The following HS6ST3 variants were observed in gnomAD, a reference collection of about 807,000 sequenced individuals.
The protein encoded by HS6ST3 is heparan-sulfate 6-O-sulfotransferase 3.
In HS6ST3, 12 loss-of-function variants were observed where a neutral mutation model predicts 36.7. That is an observed-to-expected ratio of 0.33 (90% CI 0.21 to 0.53). HS6ST3 has a LOEUF of 0.53. Ranked by LOEUF, HS6ST3 falls within the 20% of genes least tolerant of loss-of-function variation. HS6ST3 has a pLI of 0.95. For missense variants in HS6ST3, 584 were observed against 640.9 expected, an observed-to-expected ratio of 0.91 and a Z score of 0.96; for synonymous variants, 240 against 257.5, an observed-to-expected ratio of 0.93 and a Z score of 0.65.
rs35266831 is a variant in HS6ST3 at position 96,831,954 on chromosome 13, C to CAAAAAAAAAAAAAAAAAAA, written c.708-528_708-510dup. On this transcript the variant is annotated intron_variant, in intron 1 of 1. Coordinates refer to ENST00000376705, the MANE Select transcript of HS6ST3 (RefSeq NM_153456.4). ...TGGGTGACAGAGCAAGACTCCCTCT[C>CAAAAAAAAAAAAAAAAAAA]AAAAAAAAAAAAAAAAAAAAAAAAA... Among the ~76,000 whole-genome samples the CAAAAAAAAAAAAAAAAAAA allele has an allele frequency of 1.3e-3, 29 of 21,854 alleles. 4 individuals are homozygous for CAAAAAAAAAAAAAAAAAAA. The highest frequency in any genetic ancestry group is 2.8e-3 in the African/African-American group (15 of 5,428). The allele number at this position is 21,854 out of a possible 152,430, so 14.3% of individuals were successfully genotyped here.
chr13:96,196,626 C>T (rs1298611687), intron 1 of HS6ST3, among the ~76,000 whole-genome samples: 1 of 152,198 alleles, frequency 6.6e-6, no homozygotes, highest in Non-Finnish European at 1.5e-5. Flanking sequence ...GTAACTGTTT[C>T]TGTAGCTCAG....
intron 1 of HS6ST3, among the ~76,000 whole-genome samples, chr13:96,388,321 A>T (rs1487746705): frequency 6.6e-6 from 1 of 152,200 alleles, no homozygotes; most frequent in African/African-American, 2.4e-5. Context: ...GTTCACAAGG[A>T]TGGTGTGTTG....
At chr13:96,566,052 TAAAA>T (rs1237059004) in intron 1 of HS6ST3, among the ~76,000 whole-genome samples, 2 of 150,816 alleles carry the variant, frequency 1.3e-5, no homozygotes, top group Non-Finnish European at 3.0e-5. Context: ...CTGGATGCTG[TAAAA>T]AAGAACAGTC....
intron 1 of HS6ST3, among the ~76,000 whole-genome samples, chr13:96,111,128 T>A (rs940606646): frequency 2.0e-5 from 3 of 152,214 alleles, no homozygotes; most frequent in African/African-American, 7.2e-5. Context: ...ATCACTCCCA[T>A]GTTCTGTAAT....
At chr13:96,267,531 A>T (rs7317783) in intron 1 of HS6ST3, among the ~76,000 whole-genome samples, 1,702 of 152,188 alleles carry the variant, frequency 0.011, 41 homozygotes, top group African/African-American at 0.039. Context: ...TGATTATTTG[A>T]ATGTCCTTTG....
intron 1 of HS6ST3, among the ~76,000 whole-genome samples, chr13:96,528,850 T>C (rs1594800510): frequency 6.6e-6 from 1 of 152,264 alleles, no homozygotes; most frequent in Non-Finnish European, 1.5e-5. Context: ...ATGGATTAAA[T>C]GCAGAAGCAG....
intron 1 of HS6ST3, among the ~76,000 whole-genome samples, chr13:96,729,532 C>T (rs985373434): frequency 5.9e-5 from 9 of 152,174 alleles, no homozygotes; most frequent in African/African-American, 1.9e-4. Context: ...TCGTGGCTCA[C>T]TGCAGCCTCT....
intron 1 of HS6ST3, among the ~76,000 whole-genome samples, chr13:96,818,033 A>T (rs1251151476): frequency 6.6e-6 from 1 of 152,198 alleles, no homozygotes; most frequent in Non-Finnish European, 1.5e-5. Flanking sequence ...TAGTGTCCCC[A>T]TTTGAGTGTT....
chr13:96,359,488 C>G (rs115219090), intron 1 of HS6ST3, among the ~76,000 whole-genome samples: 27 of 152,270 alleles, frequency 1.8e-4, no homozygotes, highest in African/African-American at 6.5e-4. Context: ...CATTAACAGC[C>G]TAACAAAGTG....
At chr13:96,249,306 A>C (rs750827852) in intron 1 of HS6ST3, among the ~76,000 whole-genome samples, 1 of 152,204 alleles carries the variant, frequency 6.6e-6, no homozygotes, top group Non-Finnish European at 1.5e-5. Flanking sequence ...GACTTTGCTT[A>C]AGATAATGCA....
chr13:96,737,074 T>G (rs2138481555), intron 1 of HS6ST3, among the ~76,000 whole-genome samples: 1 of 151,868 alleles, frequency 6.6e-6, no homozygotes, highest in Non-Finnish European at 1.5e-5. Flanking sequence ...AATAGAAAAA[T>G]TATACAGCTA....
chr13:96,827,260 A>T (rs1019268835), intron 1 of HS6ST3, among the ~76,000 whole-genome samples: 25 of 152,190 alleles, frequency 1.6e-4, no homozygotes, highest in African/African-American at 5.8e-4. Flanking sequence ...TGGAGAATTA[A>T]AAAATGAATG....
At chr13:96,604,273 T>G (rs2056431149) in intron 1 of HS6ST3, among the ~76,000 whole-genome samples, 1 of 152,326 alleles carries the variant, frequency 6.6e-6, no homozygotes. Flanking sequence ...GAATAATCCA[T>G]CATTTTTACT....
intron 1 of HS6ST3, among the ~76,000 whole-genome samples, chr13:96,607,379 G>A (rs1465173319): frequency 6.6e-6 from 1 of 152,112 alleles, no homozygotes; most frequent in Non-Finnish European, 1.5e-5. Flanking sequence ...TCTAGCAAAG[G>A]ACACAAGAAA....
Position 96,546,313 on chromosome 13 carries a change from CGTGT to C in HS6ST3, c.708-286162_708-286159del, listed in dbSNP as rs745521094. 1.8e-4 allele frequency among the ~76,000 whole-genome samples: 27 copies of C among 149,764 alleles called. 1 individual carries two copies. The South Asian group carries it at 2.3e-3, about 13-fold the overall frequency. On this transcript the variant is annotated intron_variant, in intron 1 of 1. Transcript: ENST00000376705. Reference sequence around the variant, plus strand: ...AAATTCTAGAGAACCATTACAGGGGCGTGTGTGTGTGTGTGTGTTCACACTTGTG... The same window carrying C: ...AAATTCTAGAGAACCATTACAGGGGCGTGTGTGTGTGTGTTCACACTTGTG...
rs140872809 is a variant in HS6ST3, at chr13:96,428,301, G to T, written c.707+336732G>T. Reference sequence around the variant, plus strand: ...GTCGGAGGTGCAGTGAGCTTAGACCGCACCACTGCACTCCAGCCTGGGCGA... The same window carrying T: ...GTCGGAGGTGCAGTGAGCTTAGACCTCACCACTGCACTCCAGCCTGGGCGA... On this transcript the variant is annotated intron_variant, in intron 1 of 1. Transcript: ENST00000376705. Among the ~76,000 whole-genome samples, 267 of 152,250 alleles carry T rather than the reference G, an allele frequency of 1.8e-3. 1 individual carries two copies. Among genetic ancestry groups the T allele is most frequent in the African/African-American group, 6.0e-3 (250 of 41,538 alleles).
At chr13:96,285,469 T>C (rs927630511) in intron 1 of HS6ST3, among the ~76,000 whole-genome samples, 17 of 152,294 alleles carry the variant, frequency 1.1e-4, no homozygotes, top group Non-Finnish European at 1.5e-5. Context: ...TGGTCACATA[T>C]GTGATTTAAT....
At chr13:96,679,798 C>G (rs1244457137) in intron 1 of HS6ST3, among the ~76,000 whole-genome samples, 1 of 152,118 alleles carries the variant, frequency 6.6e-6, no homozygotes, top group East Asian at 1.9e-4. Flanking sequence ...ATATATCACA[C>G]ATTCATTCAT....
intron 1 of HS6ST3, among the ~76,000 whole-genome samples, chr13:96,284,963 C>CTTTT (rs2054794688): frequency 7.1e-6 from 1 of 140,996 alleles, no homozygotes; most frequent in East Asian, 2.0e-4. Context: ...TTCTTTCTTT[C>CTTTT]TTTCTTTCTT....
Sources: allele counts gnomAD v4.1 joint callset (sites outside exome capture counted in the v4.1 genomes callset), GRCh38; gene constraint gnomAD v4.1.1; transcripts MANE v1.5; gene names NCBI Gene and HGNC (gene_info 2026-07-23, HGNC 2026-07-21).